CDK5RAP2: variants seen among roughly 807,000 people sequenced by gnomAD.
CDK5RAP2 encodes the protein CDK5 regulatory subunit associated protein 2.
A neutral mutation model predicts 232.9 loss-of-function variants in CDK5RAP2; 147 were observed. The observed-to-expected ratio is 0.63, with a 90% CI of 0.55 to 0.72. The LOEUF is 0.72. Ranked by LOEUF, CDK5RAP2 falls within the 30% of genes least tolerant of loss-of-function variation. The pLI is 0.00. For missense variants in CDK5RAP2, 2,195 were observed against 2,231.5 expected (o/e 0.98, Z 0.33); for synonymous variants, 833 against 833.7 (o/e 1.00, Z 0.01).
At chr9:120,498,718 AATATATATATATAT>A (rs145678067) in intron 12 of CDK5RAP2, among the ~76,000 whole-genome samples, 1 of 147,284 alleles carries the variant, frequency 6.8e-6, no homozygotes, top group Admixed American at 6.8e-5. Flanking sequence ...AAAGGCTTTA[AATATATATATATAT>A]ATATATCAAC....
chr9:120,561,220 C>T (rs774719289), intron 3 of CDK5RAP2, among the ~76,000 whole-genome samples: 4 of 152,192 alleles, frequency 2.6e-5, no homozygotes, highest in Non-Finnish European at 4.4e-5. Flanking sequence ...ATTTCTGATG[C>T]TGATACTCTC....
chr9:120,470,492 A>G (rs775883783), intron 16 of CDK5RAP2, among the ~76,000 whole-genome samples: 16 of 152,222 alleles, frequency 1.1e-4, no homozygotes, highest in Non-Finnish European at 2.1e-4. Flanking sequence ...TATAATTTGC[A>G]TATCAAGTAT....
chr9:120,569,725 G>A (rs1446130660), intron 2 of CDK5RAP2, among the ~76,000 whole-genome samples: 3 of 152,198 alleles, frequency 2.0e-5, no homozygotes, highest in Admixed American at 2.0e-4. Flanking sequence ...AAGGTTTGCA[G>A]CTAAGGAGTA....
At chr9:120,412,909 C>T (rs1030510115) in intron 28 of CDK5RAP2, among the ~76,000 whole-genome samples, 1 of 152,198 alleles carries the variant, frequency 6.6e-6, no homozygotes, top group Non-Finnish European at 1.5e-5. Context: ...CATCTTCCTC[C>T]ACTCTCCCCT....
intron 14 of CDK5RAP2, among the ~76,000 whole-genome samples, chr9:120,487,012 G>C (rs962856956): frequency 6.6e-6 from 1 of 152,180 alleles, no homozygotes; most frequent in African/African-American, 2.4e-5. Flanking sequence ...AAACACTTGG[G>C]ATTACATAGT....
At chr9:120,578,653 A>G (rs1214969576) in intron 1 of CDK5RAP2, among the ~76,000 whole-genome samples, 1 of 151,504 alleles carries the variant, frequency 6.6e-6, no homozygotes, top group Non-Finnish European at 1.5e-5. Flanking sequence ...TGCAGCATCA[A>G]CCTTCCGGGC....
In CDK5RAP2 at chr9:120,390,057, G is replaced by A. The variant is rs777414600; in HGVS notation, c.5579-270C>T. The A allele has an allele frequency of 6.0e-5, 28 of 465,142 alleles. 1 individual carries two copies. The Admixed American group carries it at 6.0e-4, about 10-fold the overall frequency. 28.8% of individuals were successfully genotyped at this position (465,142 alleles called of 1,614,324 possible). ...TGCAGAGGCTACAGCATGCTATGCCGGTTCAGAGAACACCCTACAGCTGTG... is the reference window on the plus strand; with the variant it reads ...TGCAGAGGCTACAGCATGCTATGCCAGTTCAGAGAACACCCTACAGCTGTG... On this transcript the variant is annotated intron_variant, in intron 36 of 37. Transcript: ENST00000349780.
chr9:120,483,272 G>T (rs2131594950), intron 14 of CDK5RAP2, among the ~76,000 whole-genome samples: 1 of 152,350 alleles, frequency 6.6e-6, no homozygotes, highest in East Asian at 1.9e-4. Context: ...ACAGGGGTGA[G>T]TCCCAGGAAG....
Position 120,453,770 on chromosome 9 carries a change from G to A in CDK5RAP2, c.2479C>T (p.Pro827Ser), listed in dbSNP as rs779604029. The A allele has an allele frequency of 2.5e-6, 4 of 1,614,152 alleles. No individual in the cohort carries two copies. The South Asian group carries it at 4.4e-5, about 18-fold the overall frequency. ...TGTACAAGTTCACCTTTTTGCTTAG[G>A]TGTCTTCTCAGTTTTACCATCAAGG... ...EHLDGKTEKT[P>S]KQKGELVHFV... Residue 827 changes from proline (P) to serine (S), a missense_variant, in exon 21 of 38, where the codon CCT becomes TCT. Coordinates refer to ENST00000349780, the MANE Select transcript of CDK5RAP2 (RefSeq NM_018249.6).
chr9:120,454,718 C>A (rs1252447963), intron 20 of CDK5RAP2, among the ~76,000 whole-genome samples: 1 of 152,198 alleles, frequency 6.6e-6, no homozygotes, highest in Non-Finnish European at 1.5e-5. Context: ...AAACAGTTTC[C>A]ATTTCTGGGG....
At position 120,536,352 on chromosome 9, in the gene CDK5RAP2, G is replaced by T. The variant is rs372794487; in HGVS notation, c.662+20C>A. 1.7e-5 allele frequency: 27 copies of T among 1,613,454 alleles called. No homozygotes were observed. The highest frequency in any genetic ancestry group is 2.0e-5 in the Non-Finnish European group (24 of 1,179,460). ...GCCAGATAATGTGATGTCAGGGTATGACAGGGACAAGAGCCAGACCTGTCT... is the reference window on the plus strand; with the variant it reads ...GCCAGATAATGTGATGTCAGGGTATTACAGGGACAAGAGCCAGACCTGTCT... On this transcript the variant is annotated intron_variant, in intron 7 of 37. Transcript: ENST00000349780.
rs1343599311 is a variant in CDK5RAP2 at position 120,507,925 on chromosome 9, AAAAAAAAAAAAAAAAAAATATATATATAT to A, written c.1311+10473_1311+10501del. Among the ~76,000 whole-genome samples the A allele has an allele frequency of 4.9e-4, 33 of 67,916 alleles. 1 individual carries two copies. Among genetic ancestry groups the A allele is most frequent in the African/African-American group, 1.3e-3 (28 of 21,378 alleles). 44.6% of individuals were successfully genotyped at this position (67,916 alleles called of 152,430 possible). ...ACTGGCTGATTAAAAAAAAAAAAAA[AAAAAAAAAAAAAAAAAAATATATATATAT>A]ATATATATATATATAGTGGATTGTT... On this transcript the variant is annotated intron_variant, in intron 12 of 37. Coordinates refer to ENST00000349780, the MANE Select transcript of CDK5RAP2 (RefSeq NM_018249.6).
At chr9:120,569,554 G>A (rs966171236) in intron 2 of CDK5RAP2, among the ~76,000 whole-genome samples, 1 of 152,198 alleles carries the variant, frequency 6.6e-6, no homozygotes, top group African/African-American at 2.4e-5. Flanking sequence ...GAAGCCTGAG[G>A]TGGAAGCACG....
chr9:120,491,662 A>C (rs551672364), intron 12 of CDK5RAP2, among the ~76,000 whole-genome samples, 185 bp from the exon 13 acceptor site: 5 of 152,262 alleles, frequency 3.3e-5, no homozygotes, highest in African/African-American at 1.2e-4. Context: ...ATAATCTGAA[A>C]TTTGGCAAAA....
intron 14 of CDK5RAP2, among the ~76,000 whole-genome samples, chr9:120,482,899 T>C (rs2038401366): frequency 6.6e-6 from 1 of 152,190 alleles, no homozygotes; most frequent in Non-Finnish European, 1.5e-5. Context: ...TTGGGTCCCA[T>C]TTCATCAATC....
intron 3 of CDK5RAP2, among the ~76,000 whole-genome samples, chr9:120,556,126 G>C (rs952123771): frequency 1.4e-4 from 22 of 152,102 alleles, no homozygotes; most frequent in Admixed American, 2.0e-4. Context: ...CATTACACGT[G>C]CCAAGAACTG....
At chr9:120,467,339 T>C (rs1419134509) in intron 18 of CDK5RAP2, among the ~76,000 whole-genome samples, 1 of 152,180 alleles carries the variant, frequency 6.6e-6, no homozygotes. Context: ...ATGTGTGCCA[T>C]CTGCAGCACA....
rs1361571395 is a variant in CDK5RAP2, at chr9:120,389,078, C to G, written c.*158G>C. 2.8e-6 allele frequency: 2 copies of G among 711,856 alleles called. No homozygotes were observed. The highest frequency in any genetic ancestry group is 5.4e-5 in the East Asian group (2 of 37,006). 44.1% of individuals were successfully genotyped at this position (711,856 alleles called of 1,614,324 possible). The stretch of plus-strand genomic sequence containing the variant: ...CACCTGCACCTTTCTGACAACAACT[C>G]TCAAGCCAACTTTCAGAGAGAAAAC... On this transcript the variant is annotated 3_prime_UTR_variant, in exon 38 of 38. Transcript: ENST00000349780.
chr9:120,439,850 T>C lies in CDK5RAP2; in HGVS notation c.3271A>G (p.Lys1091Glu), dbSNP rs1490846935. The C allele has an allele frequency of 6.2e-7, 1 of 1,614,086 alleles. No homozygotes were observed. The highest frequency in any genetic ancestry group is 1.3e-5 in the African/African-American group (1 of 74,938). ...TGATCAGTCCCCATCACACTGACTT[T>C]AGCAGAAGGCTGACTCTTGGAACTC... ...YLSSKSQPSA[K>E]VSVMGTDQSE... Residue 1091 changes from lysine to glutamate, a missense_variant, in exon 24 of 38, where the codon AAA becomes GAA. Transcript: ENST00000349780.
Sources: allele counts gnomAD v4.1 joint callset (sites outside exome capture counted in the v4.1 genomes callset), GRCh38; gene constraint gnomAD v4.1.1; transcripts MANE v1.5; gene names NCBI Gene and HGNC (gene_info 2026-07-23, HGNC 2026-07-21).